Variants in NBAS observed in about 807,000 individuals in gnomAD.
NBAS encodes NAG/BC035112 fusion.
A neutral mutation model predicts 302.5 loss-of-function variants in NBAS; 219 were observed. The ratio of observed to expected loss-of-function variants is 0.72; its 90% CI spans 0.65 to 0.81. The LOEUF is 0.81. NBAS is among the 30% of genes least tolerant of loss of function. The probability of loss-of-function intolerance (pLI) is 0.00; values close to 1 mark genes in which losing one functional copy is unlikely to be tolerated. For synonymous variants in NBAS, 1,118 were observed against 1,021.6 expected, an observed-to-expected ratio of 1.09 and a Z score of -1.80; for missense variants, 2,932 against 2,841.6, an observed-to-expected ratio of 1.03 and a Z score of -0.72.
At position 15,374,693 on chromosome 2, in the gene NBAS, T is replaced by C; in HGVS notation, c.3618A>G (p.Arg1206=). 6.2e-7 allele frequency: 1 copy of C among 1,613,762 alleles called. No individual in the cohort carries two copies. Residue 1206 remains arginine (R), a synonymous_variant, in exon 31 of 52, where the codon AGA becomes AGG. Transcript: ENST00000281513. Reference sequence around the variant, plus strand: ...CTAGCTCCTCTTGAATGGCAGGGGGTCTGTCTGTTATCAGTTGTAAGCAGC... The same window carrying C: ...CTAGCTCCTCTTGAATGGCAGGGGGCCTGTCTGTTATCAGTTGTAAGCAGC... ...ARCCLQLITD[R]PPAIQEELDL...
At position 15,277,027 on chromosome 2, in the gene NBAS, G is replaced by C. The variant is rs146291374; in HGVS notation, c.5213C>G (p.Ala1738Gly). The C allele has an allele frequency of 2.9e-5, 47 of 1,613,802 alleles. 1 individual carries two copies. In the Admixed American group the frequency reaches 5.7e-4, roughly 19 times the overall value. The change falls in exon 43 of 52, where the codon GCC (alanine) becomes GGC (glycine). Residue 1738 changes from alanine (A) to glycine (G), a missense_variant. Physicochemically the swap from Ala to Gly is moderately conservative, Grantham distance 60. Transcript: ENST00000281513. ...LFETLKTDPE[A>G]FHQHMVKYIY... ...ATACTTGACCATGTGCTGGTGAAAGGCTTCTGGATCAGTCTTCAAAGTCTC... is the reference window on the plus strand; with the variant it reads ...ATACTTGACCATGTGCTGGTGAAAGCCTTCTGGATCAGTCTTCAAAGTCTC...
intron 21 of NBAS, among the ~76,000 whole-genome samples, chr2:15,458,319 G>C (rs1679341307): frequency 6.6e-6 from 1 of 152,178 alleles, no homozygotes; most frequent in African/African-American, 2.4e-5. Flanking sequence ...CAGTAACTAT[G>C]ACATGGTTTA....
chr2:15,034,984 C>T, the NBAS span, among the ~76,000 whole-genome samples: 1 of 152,164 alleles, frequency 6.6e-6, no homozygotes, highest in African/African-American at 2.4e-5. Flanking sequence ...ACTAACATTA[C>T]ACCAAGATAT....
chr2:15,325,806 G>A (rs1672036857), intron 38 of NBAS, among the ~76,000 whole-genome samples: 1 of 152,210 alleles, frequency 6.6e-6, no homozygotes, highest in South Asian at 2.1e-4. Context: ...TTTGGGGCAA[G>A]ATGCCTAGCT....
In NBAS at chr2:15,347,574, C is replaced by A. The variant is rs1177660737; in HGVS notation, c.4179+4418G>T. Among the ~76,000 whole-genome samples, 4 of 152,332 alleles carry A rather than the reference C, an allele frequency of 2.6e-5. No individual in the cohort carries two copies. In the East Asian group the frequency reaches 7.7e-4, roughly 29 times the overall value. ...CATTAATCAGTCCAGTCGTATAAAT[C>A]TGTAGCCACTTAAAATGCTCATAAC... is the stretch of plus-strand genomic sequence containing the variant. On this transcript the variant is annotated intron_variant, in intron 35 of 51. Coordinates refer to ENST00000281513, the MANE Select transcript of NBAS (RefSeq NM_015909.4).
chr2:14,952,395 T>C, the NBAS span, among the ~76,000 whole-genome samples: 1 of 152,346 alleles, frequency 6.6e-6, no homozygotes, highest in South Asian at 2.1e-4. Context: ...TCTGGCCCTT[T>C]GGAAATTTGC....
chr2:15,459,244 A>G (rs1679393684), intron 21 of NBAS, among the ~76,000 whole-genome samples: 1 of 152,216 alleles, frequency 6.6e-6, no homozygotes, highest in Non-Finnish European at 1.5e-5. Flanking sequence ...AATGTATCCA[A>G]ATCGAAGGAG....
At chr2:15,325,375 T>A (rs1341012276) in intron 38 of NBAS, among the ~76,000 whole-genome samples, 1 of 142,902 alleles carries the variant, frequency 7.0e-6, no homozygotes, top group Non-Finnish European at 1.5e-5. Flanking sequence ...TAAAAATCCT[T>A]TATTGCTAAA....
the NBAS span, among the ~76,000 whole-genome samples, chr2:14,933,044 T>C: frequency 6.6e-6 from 1 of 152,224 alleles, no homozygotes. Flanking sequence ...TCATATACAA[T>C]AGTAAAGTGT....
chr2:15,444,637 AG>A (rs1678624089), intron 21 of NBAS, among the ~76,000 whole-genome samples: 1 of 152,196 alleles, frequency 6.6e-6, no homozygotes, highest in South Asian at 2.1e-4. Flanking sequence ...TGGCAACAAA[AG>A]CCAAAATTGA....
the NBAS span, among the ~76,000 whole-genome samples, chr2:14,802,757 G>C: frequency 1.4e-5 from 2 of 142,692 alleles, no homozygotes; most frequent in South Asian, 4.8e-4. Context: ...GATGAAATTG[G>C]AAATCATCAT....
chr2:15,451,215 T>C (rs1274478731), intron 21 of NBAS, among the ~76,000 whole-genome samples: 1 of 152,110 alleles, frequency 6.6e-6, no homozygotes, highest in African/African-American at 2.4e-5. Flanking sequence ...CATGCCCAGC[T>C]AATTATTTTT....
At chr2:15,403,431 G>A (rs1294149104) in intron 25 of NBAS, among the ~76,000 whole-genome samples, 1 of 151,980 alleles carries the variant, frequency 6.6e-6, no homozygotes, top group Non-Finnish European at 1.5e-5. Context: ...AATATCTGGG[G>A]GAAAAAGTGT....
chr2:15,488,750 T>G, intron 12 of NBAS, 144 bp downstream of exon 12: 1 of 1,060,666 alleles, frequency 9.4e-7, no homozygotes, highest in Non-Finnish European at 1.4e-6. Flanking sequence ...CCCACTGTAC[T>G]GATATCATAA....
chr2:15,242,587 T>C (rs1644523620), intron 44 of NBAS, among the ~76,000 whole-genome samples: 1 of 151,476 alleles, frequency 6.6e-6, no homozygotes, highest in Non-Finnish European at 1.5e-5. Context: ...AACTGTTCCA[T>C]AATGGAAGGA....
chr2:15,251,851 C>T (rs908173908), intron 44 of NBAS, among the ~76,000 whole-genome samples: 1 of 152,108 alleles, frequency 6.6e-6, no homozygotes, highest in African/African-American at 2.4e-5. Flanking sequence ...CTTAGATTGC[C>T]TTAACCTCCT....
At chr2:15,305,658 G>T (rs1357244292) in intron 40 of NBAS, among the ~76,000 whole-genome samples, 3 of 151,940 alleles carry the variant, frequency 2.0e-5, no homozygotes, top group Non-Finnish European at 1.5e-5. Flanking sequence ...CACCATGTTG[G>T]CTGGTCTCGA....
chr2:15,343,965 T>TAA (rs1672971592), intron 35 of NBAS, among the ~76,000 whole-genome samples: 2 of 119,504 alleles, frequency 1.7e-5, no homozygotes, highest in Admixed American at 8.1e-5. Flanking sequence ...ATCATAAATC[T>TAA]GAAAAAAAAA....
the NBAS span, among the ~76,000 whole-genome samples, chr2:15,142,515 C>T: frequency 6.6e-6 from 1 of 152,236 alleles, no homozygotes; most frequent in Admixed American, 6.5e-5. Flanking sequence ...GCAAGGCTGA[C>T]AGGCAAATAT....
Sources: gnomAD v4.1 joint callset for allele counts (sites outside exome capture counted in the v4.1 genomes callset) on GRCh38, gnomAD v4.1.1 for gene constraint, MANE v1.5 for transcripts, NCBI Gene and HGNC (gene_info 2026-07-23, HGNC 2026-07-21) for gene names.